The following DLG2 variants were observed in gnomAD, a reference collection of about 807,000 sequenced individuals.
DLG2 encodes disks large homolog 2.
DLG2 carries 45 observed loss-of-function variants against 132.5 expected under a neutral mutation model. That is an observed-to-expected ratio of 0.34 (90% confidence interval 0.27 to 0.44). DLG2 has a LOEUF of 0.44. Ranked by LOEUF, DLG2 falls within the 20% of genes least tolerant of loss-of-function variation. The probability of loss-of-function intolerance (pLI) is 1.00; values close to 1 mark genes in which losing one functional copy is unlikely to be tolerated. For missense variants in DLG2, 1,045 were observed against 1,196.9 expected (o/e 0.87, Z 1.87); for synonymous variants, 424 against 419.6 (o/e 1.01, Z -0.13).
intron 16 of DLG2, among the ~76,000 whole-genome samples, chr11:83,866,477 A>C (rs982509136): frequency 2.8e-4 from 43 of 152,252 alleles, no homozygotes; most frequent in Non-Finnish European, 8.8e-5. Flanking sequence ...CTCTTTAGTG[A>C]CATCTCAGTC....
At chr11:84,176,317 T>TTA (rs5793112) in intron 8 of DLG2, among the ~76,000 whole-genome samples, 3,148 of 146,060 alleles carry the variant, frequency 0.022, 51 homozygotes, top group African/African-American at 0.047. Flanking sequence ...GCAGTAAAGC[T>TTA]TATATATATA....
intron 7 of DLG2, among the ~76,000 whole-genome samples, chr11:84,264,053 T>C (rs897040387): frequency 6.6e-6 from 1 of 152,154 alleles, no homozygotes. Flanking sequence ...TCAAAATTAA[T>C]GTTCAATTTG....
At chr11:84,234,523 A>C (rs2097134496) in intron 8 of DLG2, among the ~76,000 whole-genome samples, 1 of 152,200 alleles carries the variant, frequency 6.6e-6, no homozygotes, top group Non-Finnish European at 1.5e-5. Flanking sequence ...ACAAAGTGAC[A>C]TCACTAATGT....
intron 3 of DLG2, among the ~76,000 whole-genome samples, chr11:85,462,869 C>T (rs1170061048): frequency 2.6e-5 from 4 of 151,950 alleles, no homozygotes; most frequent in Non-Finnish European, 5.9e-5. Flanking sequence ...CTAAGGAAGT[C>T]ATTAAGGTTA....
intron 7 of DLG2, among the ~76,000 whole-genome samples, chr11:84,533,293 T>C (rs1565215450): frequency 1.3e-5 from 2 of 152,228 alleles, no homozygotes; most frequent in Non-Finnish European, 2.9e-5. Context: ...ATGACAGCTC[T>C]GGAGGTAAAA....
At chr11:84,975,703 T>C (rs1257167276) in intron 6 of DLG2, among the ~76,000 whole-genome samples, 2 of 152,152 alleles carry the variant, frequency 1.3e-5, no homozygotes, top group African/African-American at 4.8e-5. Flanking sequence ...AGGGGATAAT[T>C]GACTTCCCAG....
At chr11:85,619,833 C>CAA (rs113283591) in intron 2 of DLG2, among the ~76,000 whole-genome samples, 3 of 139,844 alleles carry the variant, frequency 2.1e-5, no homozygotes, top group Non-Finnish European at 4.7e-5. Flanking sequence ...AACTCCGTCT[C>CAA]AAAAAAAAAA....
chr11:83,678,177 T>G (rs1174872678), intron 18 of DLG2, among the ~76,000 whole-genome samples: 3 of 152,176 alleles, frequency 2.0e-5, no homozygotes, highest in Non-Finnish European at 2.9e-5. Flanking sequence ...TGTCTTCCCT[T>G]GAACCTGAGA....
chr11:84,305,029 C>A (rs184357433), intron 7 of DLG2, among the ~76,000 whole-genome samples: 1 of 151,908 alleles, frequency 6.6e-6, no homozygotes, highest in Non-Finnish European at 1.5e-5. Flanking sequence ...AGTGCCTTTA[C>A]CAAAGTAAAA....
intron 18 of DLG2, among the ~76,000 whole-genome samples, chr11:83,712,876 T>A (rs985695753): frequency 1.4e-4 from 22 of 151,904 alleles, no homozygotes; most frequent in African/African-American, 5.3e-4. Context: ...AATACCTAGG[T>A]GATGGGATGA....
chr11:84,716,734 A>T (rs1169811269), intron 6 of DLG2, among the ~76,000 whole-genome samples: 1 of 151,282 alleles, frequency 6.6e-6, no homozygotes. Flanking sequence ...GTAGGGGGGA[A>T]CTGATATAAT....
intron 6 of DLG2, among the ~76,000 whole-genome samples, chr11:84,561,687 T>A (rs951404758): frequency 6.6e-6 from 1 of 152,150 alleles, no homozygotes; most frequent in Non-Finnish European, 1.5e-5. Context: ...GTTCTTATAA[T>A]CTATAGCAAG....
intron 6 of DLG2, among the ~76,000 whole-genome samples, chr11:84,781,642 T>A (rs2071795886): frequency 6.6e-6 from 1 of 152,104 alleles, no homozygotes; most frequent in African/African-American, 2.4e-5. Context: ...TTGCTCCTCT[T>A]TAGGAGACAC....
intron 6 of DLG2, among the ~76,000 whole-genome samples, chr11:84,663,186 C>T (rs1006806039): frequency 6.6e-6 from 1 of 151,852 alleles, no homozygotes; most frequent in African/African-American, 2.4e-5. Context: ...TACAGAAAAA[C>T]ATACCAAGAT....
At chr11:84,254,290 C>G (rs2097431096) in intron 7 of DLG2, among the ~76,000 whole-genome samples, 1 of 152,054 alleles carries the variant, frequency 6.6e-6, no homozygotes, top group Admixed American at 6.6e-5. Context: ...ATACATACGC[C>G]TATTTCCTAT....
intron 7 of DLG2, among the ~76,000 whole-genome samples, chr11:84,384,892 A>T (rs945183300): frequency 1.3e-5 from 2 of 152,116 alleles, no homozygotes; most frequent in African/African-American, 2.4e-5. Context: ...AGTTCATGAT[A>T]CATTCAAAGG....
chr11:84,819,934 T>C (rs762619802), intron 6 of DLG2, among the ~76,000 whole-genome samples: 3 of 151,506 alleles, frequency 2.0e-5, no homozygotes, highest in Admixed American at 6.6e-5. Context: ...AGTGTCCACA[T>C]AGTCTTACCT....
At chr11:84,913,257 G>C (rs529596549) in intron 6 of DLG2, among the ~76,000 whole-genome samples, 1 of 152,200 alleles carries the variant, frequency 6.6e-6, no homozygotes. Context: ...TGGGTGTTGA[G>C]ACAATGTTAG....
At chr11:84,622,805 C>T (rs1315699416) in intron 6 of DLG2, among the ~76,000 whole-genome samples, 2 of 152,116 alleles carry the variant, frequency 1.3e-5, no homozygotes, top group Non-Finnish European at 2.9e-5. Flanking sequence ...AAGACCTAAA[C>T]ATGGAAAGCT....
Sources: allele counts gnomAD v4.1 joint callset (sites outside exome capture counted in the v4.1 genomes callset), GRCh38; gene constraint gnomAD v4.1.1; transcripts MANE v1.5; gene names NCBI Gene and HGNC (gene_info 2026-07-23, HGNC 2026-07-21).